The following TENT4B variants were observed in gnomAD, a reference collection of about 807,000 sequenced individuals.
The protein encoded by TENT4B is terminal nucleotidyltransferase 4B.
A neutral mutation model predicts 75.0 loss-of-function variants in TENT4B; 10 were observed. The ratio of observed to expected loss-of-function variants is 0.13; its 90% confidence interval spans 0.08 to 0.23. The LOEUF (loss-of-function observed/expected upper bound fraction) is 0.23, where lower values mean the gene tolerates loss of function less well. Among genes scored for constraint, TENT4B ranks in the 10% least tolerant of loss-of-function variants. TENT4B has a pLI of 1.00. For missense variants in TENT4B, 579 were observed against 893.8 expected, an observed-to-expected ratio of 0.65 and a Z score of 4.49; for synonymous variants, 350 against 357.7, an observed-to-expected ratio of 0.98 and a Z score of 0.24.
intron 1 of TENT4B, among the ~76,000 whole-genome samples, chr16:50,164,510 T>C (rs2038062923): frequency 6.6e-6 from 1 of 151,448 alleles, no homozygotes; most frequent in African/African-American, 2.4e-5. Flanking sequence ...GGTTTCACCA[T>C]ATTGGCCAGG....
chr16:50,185,661 G>A (rs553223419), intron 1 of TENT4B, among the ~76,000 whole-genome samples: 2 of 152,182 alleles, frequency 1.3e-5, no homozygotes, highest in South Asian at 2.1e-4. Context: ...GTAACGTATC[G>A]AAGCTCTGGT....
Position 50,156,408 on chromosome 16 carries a change from G to C in TENT4B, c.638+2149G>C, listed in dbSNP as rs958618020. Among the ~76,000 whole-genome samples, 3 of 150,446 alleles carry C rather than the reference G, an allele frequency of 2.0e-5. No individual in the cohort carries two copies. In the East Asian group the frequency reaches 5.9e-4, roughly 30 times the overall value. ...TGCCCAGGCTGGAGTGCAGTGGCTC[G>C]ATCTCAGCTCACCGCAACCTCTGCC... On this transcript the variant is annotated intron_variant, in intron 1 of 11. Coordinates refer to ENST00000561678, the MANE Select transcript of TENT4B (RefSeq NM_001365324.3).
intron 1 of TENT4B, among the ~76,000 whole-genome samples, chr16:50,154,589 C>T (rs1286233134): frequency 2.0e-5 from 3 of 151,678 alleles, no homozygotes; most frequent in East Asian, 1.9e-4. Flanking sequence ...ACACATCTAC[C>T]CTTGACCACC....
intron 1 of TENT4B, among the ~76,000 whole-genome samples, chr16:50,156,966 T>C (rs2037913510): frequency 6.6e-6 from 1 of 152,184 alleles, no homozygotes; most frequent in South Asian, 2.1e-4. Flanking sequence ...CCAGTATCCT[T>C]ATTTCTTAAC....
rs2032233503 is a variant in TENT4B, at chr16:50,230,104, T to C, written c.*776T>C. 2 of 984,366 alleles carry C rather than the reference T, an allele frequency of 2.0e-6. No individual in the cohort carries two copies. The highest frequency in any genetic ancestry group is 1.0e-3 in the Middle Eastern group (2 of 1,910). The allele number at this position is 984,366 out of a possible 1,614,324, so 61.0% of individuals were successfully genotyped here. ...AGAAAAGGTTTATGGTGGCAAATGA[T>C]GTTTATTTTATTTTGTAAAAAAAAA... is the stretch of plus-strand genomic sequence containing the variant. On this transcript the variant is annotated 3_prime_UTR_variant, in exon 12 of 12. Transcript: ENST00000561678.
At position 50,216,112 on chromosome 16, in the gene TENT4B, C is replaced by T. The variant is rs190603839; in HGVS notation, c.847C>T (p.Leu283=). 8.1e-5 allele frequency: 130 copies of T among 1,613,970 alleles called. No individual in the cohort carries two copies. In the East Asian group the frequency reaches 2.1e-3, roughly 26 times the overall value. Residue 283 remains leucine (L), a synonymous_variant, in exon 4 of 12, where the codon CTA becomes TTA. Coordinates refer to ENST00000561678, the MANE Select transcript of TENT4B (RefSeq NM_001365324.3). The stretch of plus-strand genomic sequence containing the variant: ...AGTGGTGTTTGGGAAGTGGGAGAAC[C>T]TACCCCTCTGGACTCTGGAAGAAGC... ...DLVVFGKWEN[L]PLWTLEEALR...
Position 50,227,855 on chromosome 16 carries a change from C to G in TENT4B, c.1817C>G (p.Pro606Arg). The G allele has an allele frequency of 6.2e-7, 1 of 1,613,936 alleles. No individual in the cohort carries two copies. Among genetic ancestry groups the G allele is most frequent in the Non-Finnish European group, 8.5e-7 (1 of 1,179,878 alleles). Residue 606 changes from proline (P) to arginine (R), a missense_variant, in exon 11 of 12, where the codon CCA becomes CGA. Coordinates refer to ENST00000561678, the MANE Select transcript of TENT4B (RefSeq NM_001365324.3). Reference protein sequence around the residue: ...SSSDVDSDATPCKTPKQLLCR... With the variant: ...SSSDVDSDATRCKTPKQLLCR... The stretch of plus-strand genomic sequence containing the variant: ...TTGTGTTAGGATTCCGATGCAACAC[C>G]ATGCAAAACCCCGAAACAGCTGCTT...
chr16:50,228,933 A>G (rs1033461782), intron 11 of TENT4B, among the ~76,000 whole-genome samples: 4 of 152,324 alleles, frequency 2.6e-5, no homozygotes, highest in South Asian at 4.1e-4. Context: ...CGAGTGGTCT[A>G]TGCTTTTCAT....
At chr16:50,199,064 A>G (rs2150719838) in intron 1 of TENT4B, among the ~76,000 whole-genome samples, 1 of 152,314 alleles carries the variant, frequency 6.6e-6, no homozygotes, top group Admixed American at 6.5e-5. Flanking sequence ...TCCTGTTGCT[A>G]ATGGCTTCCT....
intron 1 of TENT4B, among the ~76,000 whole-genome samples, chr16:50,158,372 C>T (rs2037941635): frequency 6.6e-6 from 1 of 152,224 alleles, no homozygotes; most frequent in Non-Finnish European, 1.5e-5. Context: ...CAGGCATGAG[C>T]CACCATGCCT....
At chr16:50,157,804 C>T (rs1023211412) in intron 1 of TENT4B, among the ~76,000 whole-genome samples, 21 of 150,244 alleles carry the variant, frequency 1.4e-4, no homozygotes, top group Non-Finnish European at 3.0e-5. Context: ...CTTGCTCTGT[C>T]GCTCAGGCTG....
chr16:50,221,146 C>T (rs1382747516), intron 5 of TENT4B, among the ~76,000 whole-genome samples: 1 of 151,974 alleles, frequency 6.6e-6, no homozygotes, highest in African/African-American at 2.4e-5. Flanking sequence ...ATTAGCTGGG[C>T]ATGGTGGGCT....
intron 1 of TENT4B, among the ~76,000 whole-genome samples, chr16:50,163,546 C>T (rs959501703): frequency 1.3e-5 from 2 of 151,210 alleles, no homozygotes; most frequent in East Asian, 3.9e-4. Context: ...ACTACAGGCG[C>T]CCGCCACCAC....
In TENT4B at chr16:50,230,398, G is replaced by A. The variant is rs879281679; in HGVS notation, c.*1070G>A. 1 of 984,628 alleles carries A rather than the reference G, an allele frequency of 1.0e-6. No homozygotes were observed. The highest frequency in any genetic ancestry group is 1.1e-4 in the East Asian group (1 of 8,808). The allele number at this position is 984,628 out of a possible 1,614,324, so 61.0% of individuals were successfully genotyped here. On this transcript the variant is annotated 3_prime_UTR_variant, in exon 12 of 12. Coordinates refer to ENST00000561678, the MANE Select transcript of TENT4B (RefSeq NM_001365324.3). ...TTTGCATGCTGGCTTCTCTAACCCT[G>A]TGTGCTGCGTGTGCCTGTTTCTCAT...
upstream of TENT4B, among the ~76,000 whole-genome samples, chr16:50,153,190 G>C (rs1336055346): frequency 7.8e-6 from 1 of 127,908 alleles, no homozygotes; most frequent in African/African-American, 2.8e-5. Flanking sequence ...CGGTGGGGGG[G>C]GGGGGCGGAG....
intron 1 of TENT4B, among the ~76,000 whole-genome samples, chr16:50,177,007 A>AT (rs938478595): frequency 0.014 from 1,874 of 136,332 alleles, 31 homozygotes; most frequent in African/African-American, 0.042. Context: ...GGTAATATCT[A>AT]TTTTTTTTTT....
At chr16:50,224,202 C>G (rs191994324) in intron 7 of TENT4B, among the ~76,000 whole-genome samples, 3 of 152,078 alleles carry the variant, frequency 2.0e-5, no homozygotes, top group Non-Finnish European at 4.4e-5. Context: ...TGATTGGGAG[C>G]CTGCTCTGTT....
In TENT4B at chr16:50,153,495, A is replaced by AGCG. The variant is rs2037814955; in HGVS notation, c.-125_-124insGGC. Reference sequence around the variant, plus strand: ...CCGCCCGCGGCGGGCCCCGAGCAGCAGCAGCAGCAGCAGCGGCAGCAGCGG... The same window carrying AGCG: ...CCGCCCGCGGCGGGCCCCGAGCAGCAGCGGCAGCAGCAGCAGCGGCAGCAGCGG... On this transcript the variant is annotated 5_prime_UTR_variant, in exon 1 of 12. Transcript: ENST00000561678. 1.0e-6 allele frequency: 1 copy of AGCG among 974,460 alleles called. No homozygotes were observed. Among genetic ancestry groups the AGCG allele is most frequent in the Admixed American group, 6.4e-5 (1 of 15,612 alleles). 60.4% of individuals were successfully genotyped at this position (974,460 alleles called of 1,614,324 possible).
At chr16:50,217,041 A>C (rs1288653340) in intron 4 of TENT4B, among the ~76,000 whole-genome samples, 1 of 152,302 alleles carries the variant, frequency 6.6e-6, no homozygotes, top group African/African-American at 2.4e-5. Context: ...CAATTTTCTT[A>C]TTAGAAACAG....
Sources: allele counts gnomAD v4.1 joint callset (sites outside exome capture counted in the v4.1 genomes callset), GRCh38; gene constraint gnomAD v4.1.1; transcripts MANE v1.5; gene names NCBI Gene and HGNC (gene_info 2026-07-23, HGNC 2026-07-21).